Variants in VOPP1 observed in about 807,000 individuals in gnomAD.
VOPP1 encodes the protein WW domain binding protein VOPP1.
A neutral mutation model predicts 23.5 loss-of-function variants in VOPP1; 8 were observed. The observed-to-expected ratio is 0.34, with a 90% CI of 0.20 to 0.61. The LOEUF is 0.61. Ranked by LOEUF, VOPP1 falls within the 20% of genes least tolerant of loss-of-function variation. The probability of loss-of-function intolerance (pLI) is 0.78; values close to 1 mark genes in which losing one functional copy is unlikely to be tolerated. For synonymous variants in VOPP1, 83 were observed against 97.3 expected (o/e 0.85, Z 0.86); for missense variants, 174 against 238.1 (o/e 0.73, Z 1.77).
rs575516203 is a variant in VOPP1 at position 55,437,721 on chromosome 7, C to T, written n.418-1547G>A. On this transcript the variant is annotated intron_variant and non_coding_transcript_variant, in intron 4 of 4. Coordinates refer to the VOPP1 transcript ENST00000462326. The stretch of plus-strand genomic sequence containing the variant: ...CACCTGTTATTTGGATGTTAAGCCT[C>T]TTAATATAATCCCTGATTTTCTTTC... 5.9e-5 allele frequency among the ~76,000 whole-genome samples: 9 copies of T among 152,258 alleles called. 1 individual carries two copies. In the South Asian group the frequency reaches 1.9e-3, roughly 32 times the overall value.
chr7:55,546,914 C>A (rs1405663770), intron 1 of VOPP1, among the ~76,000 whole-genome samples: 1 of 152,240 alleles, frequency 6.6e-6, no homozygotes, highest in Non-Finnish European at 1.5e-5. Context: ...ATGGGAGCTA[C>A]AGGCCTTGTC....
chr7:55,561,999 T>C (rs908677810), intron 1 of VOPP1: 2 of 703,504 alleles, frequency 2.8e-6, no homozygotes, highest in African/African-American at 1.7e-5. Context: ...TTCAGTCTGC[T>C]GTACTGGATG....
Position 55,459,289 on chromosome 7 carries a change from T to C in VOPP1, n.418-23115A>G, listed in dbSNP as rs116362288. Among the ~76,000 whole-genome samples, 212 of 152,282 alleles carry C rather than the reference T, an allele frequency of 1.4e-3. 1 individual carries two copies. Among genetic ancestry groups the C allele is most frequent in the African/African-American group, 4.9e-3 (205 of 41,586 alleles). On this transcript the variant is annotated intron_variant and non_coding_transcript_variant, in intron 4 of 4. Coordinates refer to the VOPP1 transcript ENST00000462326. The stretch of plus-strand genomic sequence containing the variant: ...ATTCAGCTTGCTAGCATTTTGTTGA[T>C]GATTTTTATGCCTGTGTTCATCAGG...
At chr7:55,513,212 C>A (rs1795193503) in intron 2 of VOPP1, among the ~76,000 whole-genome samples, 3 of 152,026 alleles carry the variant, frequency 2.0e-5, no homozygotes, top group African/African-American at 4.8e-5. Flanking sequence ...CCAGGACAGG[C>A]CCTGCCTCCC....
At chr7:55,538,547 A>C in intron 1 of VOPP1, 1 of 1,442,568 alleles carries the variant, frequency 6.9e-7, no homozygotes, top group South Asian at 1.2e-5. Flanking sequence ...CCACAGTCCA[A>C]CTGAGGATCA....
intron 2 of VOPP1, 111 bp from the exon 3 acceptor site, chr7:55,497,801 A>G (rs1190535470): frequency 2.3e-6 from 2 of 883,448 alleles, no homozygotes; most frequent in East Asian, 5.0e-5. Flanking sequence ...AGAAATCAGT[A>G]AGAGCAAAAA....
intron 3 of VOPP1, among the ~76,000 whole-genome samples, chr7:55,496,705 G>A (rs915793678): frequency 2.0e-5 from 3 of 152,220 alleles, no homozygotes; most frequent in African/African-American, 7.2e-5. Context: ...CTGGGCACAG[G>A]TGTTAAGGGA....
intron 1 of VOPP1, among the ~76,000 whole-genome samples, chr7:55,527,572 G>A (rs183377215): frequency 1.3e-5 from 2 of 152,286 alleles, no homozygotes; most frequent in East Asian, 3.9e-4. Context: ...CTGCTTTCGT[G>A]TTCAGCAGAA....
At chr7:55,437,549 A>G (rs1014352178) in intron 4 of VOPP1, among the ~76,000 whole-genome samples, 1 of 152,226 alleles carries the variant, frequency 6.6e-6, no homozygotes, top group African/African-American at 2.4e-5. Context: ...TGCAAGTTGT[A>G]GGATTTTCAT....
At chr7:55,532,309 C>G (rs771496798) in intron 1 of VOPP1, among the ~76,000 whole-genome samples, 48 of 152,262 alleles carry the variant, frequency 3.2e-4, no homozygotes, top group Non-Finnish European at 5.3e-4. Context: ...CACCGAAGGT[C>G]TCTAAGCTTT....
intron 4 of VOPP1, among the ~76,000 whole-genome samples, chr7:55,485,707 G>A (rs1793087781): frequency 6.6e-6 from 1 of 152,228 alleles, no homozygotes; most frequent in South Asian, 2.1e-4. Context: ...CGTGCACACA[G>A]TACATTCACA....
At chr7:55,456,758 A>G (rs1324234924) in intron 4 of VOPP1, among the ~76,000 whole-genome samples, 2 of 152,042 alleles carry the variant, frequency 1.3e-5, no homozygotes, top group Non-Finnish European at 2.9e-5. Flanking sequence ...ATGAAAACAC[A>G]TGGACACAGG....
intron 4 of VOPP1, among the ~76,000 whole-genome samples, chr7:55,491,052 A>T (rs1793528744): frequency 6.6e-6 from 1 of 152,156 alleles, no homozygotes; most frequent in Non-Finnish European, 1.5e-5. Context: ...TTTAAAAACC[A>T]CTTTATTGAG....
chr7:55,551,440 C>T (rs1797602709), intron 1 of VOPP1, among the ~76,000 whole-genome samples: 3 of 152,210 alleles, frequency 2.0e-5, no homozygotes, highest in East Asian at 1.9e-4. Context: ...GTTCTGAGTG[C>T]TCCCCAAAGC....
intron 1 of VOPP1, among the ~76,000 whole-genome samples, chr7:55,558,927 T>A (rs1375499835): frequency 6.6e-6 from 1 of 152,172 alleles, no homozygotes; most frequent in East Asian, 1.9e-4. Context: ...AAGGTCAGTG[T>A]TCAAGGTTAG....
At chr7:55,542,323 C>A (rs183314574) in intron 1 of VOPP1, among the ~76,000 whole-genome samples, 12 of 152,300 alleles carry the variant, frequency 7.9e-5, no homozygotes, top group African/African-American at 2.6e-4. Flanking sequence ...TTGTTAACTA[C>A]AGTTGCTCTA....
chr7:55,480,215 T>A (rs1453969581), intron 4 of VOPP1, among the ~76,000 whole-genome samples: 1 of 152,266 alleles, frequency 6.6e-6, no homozygotes, highest in Non-Finnish European at 1.5e-5. Flanking sequence ...AAAAAAGCCA[T>A]ATGAACTTAA....
chr7:55,465,749 G>A (rs1040835219), downstream of VOPP1, among the ~76,000 whole-genome samples: 2 of 152,202 alleles, frequency 1.3e-5, no homozygotes, highest in Non-Finnish European at 2.9e-5. Flanking sequence ...AAGACACAAA[G>A]CCAGTAATTA....
chr7:55,553,756 TACACACACACACAC>T (rs59300549), intron 1 of VOPP1: 37,847 of 138,414 alleles, frequency 0.27, 5,992 homozygotes, highest in Admixed American at 0.45. Context: ...CCCTGCACTC[TACACACACACACAC>T]ACACACACAC....
Sources: allele counts gnomAD v4.1 joint callset (sites outside exome capture counted in the v4.1 genomes callset), GRCh38; gene constraint gnomAD v4.1.1; transcripts MANE v1.5; gene names NCBI Gene and HGNC (gene_info 2026-07-23, HGNC 2026-07-21).